Variants in PSD3 observed in about 807,000 individuals in gnomAD.
PSD3 encodes PH and SEC7 domain-containing protein 3.
PSD3 carries 49 observed loss-of-function variants against 105.5 expected under a neutral mutation model. The ratio of observed to expected loss-of-function variants is 0.46; its 90% confidence interval spans 0.37 to 0.59. PSD3 has a LOEUF of 0.59. Among genes scored for constraint, PSD3 ranks in the 20% least tolerant of loss-of-function variants. PSD3 has a pLI of 0.00. For synonymous variants in PSD3, 557 were observed against 457.8 expected (o/e 1.22, Z -2.77); for missense variants, 1,561 against 1,263.8 (o/e 1.24, Z -3.57).
chr8:18,575,431 C>T (rs755482912), intron 12 of PSD3, 146 bp from the exon 13 acceptor site: 52 of 724,216 alleles, frequency 7.2e-5, no homozygotes, highest in Non-Finnish European at 1.0e-4. Flanking sequence ...TAAAAACAAC[C>T]TTATAAATGT....
intron 1 of PSD3, among the ~76,000 whole-genome samples, chr8:18,981,581 A>C (rs1426919): frequency 0.4 from 61,129 of 152,040 alleles, 14,121 homozygotes; most frequent in Non-Finnish European, 0.53. Context: ...CATACTCTGG[A>C]GATTGTGTGG....
At chr8:18,742,577 A>G (rs1390045117) in intron 9 of PSD3, among the ~76,000 whole-genome samples, 1 of 152,220 alleles carries the variant, frequency 6.6e-6, no homozygotes, top group Non-Finnish European at 1.5e-5. Flanking sequence ...GCTTTTGTGA[A>G]GGTATTAGTG....
At chr8:19,050,311 C>CCT (rs398038403) in intron 1 of PSD3, among the ~76,000 whole-genome samples, 1 of 151,996 alleles carries the variant, frequency 6.6e-6, no homozygotes, top group African/African-American at 2.4e-5. Context: ...CCCATATCCC[C>CCT]GCCTGTCAAG....
intron 15 of PSD3, among the ~76,000 whole-genome samples, chr8:18,555,807 G>A (rs1801032463): frequency 6.6e-6 from 1 of 152,200 alleles, no homozygotes; most frequent in Non-Finnish European, 1.5e-5. Context: ...GCAGGGAAAA[G>A]CTGATGCCTC....
intron 2 of PSD3, among the ~76,000 whole-genome samples, chr8:18,908,955 C>T (rs894295077): frequency 6.6e-6 from 1 of 152,178 alleles, no homozygotes; most frequent in African/African-American, 2.4e-5. Flanking sequence ...AAACAAGAGT[C>T]TCTAGTCATT....
At chr8:18,682,125 G>C (rs1410913323) in intron 9 of PSD3, among the ~76,000 whole-genome samples, 2 of 152,086 alleles carry the variant, frequency 1.3e-5, no homozygotes, top group Non-Finnish European at 2.9e-5. Flanking sequence ...ATCTATGCTG[G>C]ATTCCAACAT....
chr8:19,028,274 C>T (rs1411035586), intron 1 of PSD3, among the ~76,000 whole-genome samples: 4 of 38,824 alleles, frequency 1.0e-4, no homozygotes, highest in Non-Finnish European at 1.9e-4. Context: ...CCACCTCTCA[C>T]ACCACCCCCC....
chr8:18,593,916 T>C (rs1273506515), intron 12 of PSD3, among the ~76,000 whole-genome samples: 7 of 125,538 alleles, frequency 5.6e-5, no homozygotes, highest in African/African-American at 9.5e-5. Context: ...TAGGTGGGAA[T>C]TGAACAATGA....
intron 2 of PSD3, among the ~76,000 whole-genome samples, chr8:18,895,449 C>T (rs12543634): frequency 0.047 from 7,157 of 152,288 alleles, 207 homozygotes; most frequent in South Asian, 0.082. Flanking sequence ...CATGCATTTA[C>T]GCATTTATAT....
chr8:18,764,005 T>C (rs1806761276), intron 9 of PSD3, among the ~76,000 whole-genome samples: 4 of 152,220 alleles, frequency 2.6e-5, no homozygotes. Context: ...ACACGTTTAC[T>C]CAAGGTGAAC....
intron 1 of PSD3, among the ~76,000 whole-genome samples, chr8:19,071,236 T>C (rs886138364): frequency 5.3e-5 from 8 of 152,142 alleles, no homozygotes; most frequent in Non-Finnish European, 1.2e-4. Context: ...ATTTTTTATT[T>C]ATTTATTTTT....
intron 1 of PSD3, among the ~76,000 whole-genome samples, chr8:19,051,854 C>T (rs914353761): frequency 2.0e-5 from 3 of 152,202 alleles, no homozygotes; most frequent in Admixed American, 6.5e-5. Context: ...TTACAGTCTA[C>T]AGGAGTAAGA....
chr8:18,529,479 A>T lies in PSD3; in HGVS notation c.*6264T>A, dbSNP rs1290154606. 1 of 152,550 alleles carries T rather than the reference A, an allele frequency of 6.6e-6. No homozygotes were observed. The highest frequency in any genetic ancestry group is 2.4e-5 in the African/African-American group (1 of 41,402). The allele number at this position is 152,550 out of a possible 1,614,324, so 9.4% of individuals were successfully genotyped here. A position where few individuals can be genotyped will look rare whatever the true frequency, so the allele number is the denominator to read the frequency against. ...CAGACATGTCAACTTTTCTCCTTAT[A>T]CACCTAAGGGGACAGTCAACTGGTT... On this transcript the variant is annotated 3_prime_UTR_variant, in exon 16 of 16. Transcript: ENST00000327040.
At chr8:19,079,932 C>G (rs1376472572) in intron 1 of PSD3, among the ~76,000 whole-genome samples, 3 of 149,212 alleles carry the variant, frequency 2.0e-5, no homozygotes, top group Non-Finnish European at 4.4e-5. Context: ...CTCTGTCATC[C>G]AGGTTGGAGT....
intron 12 of PSD3, among the ~76,000 whole-genome samples, chr8:18,595,908 A>G (rs1180963283): frequency 6.6e-6 from 1 of 152,072 alleles, no homozygotes; most frequent in East Asian, 1.9e-4. Context: ...CAAATATCCT[A>G]GCAAACATAT....
chr8:18,699,906 C>T (rs1236951649), intron 9 of PSD3, among the ~76,000 whole-genome samples: 1 of 151,848 alleles, frequency 6.6e-6, no homozygotes, highest in African/African-American at 2.4e-5. Flanking sequence ...AGATTCCGCT[C>T]CTATATTTTC....
In PSD3 at chr8:18,929,641, G is replaced by A. The variant is rs557392043; in HGVS notation, c.130+6393C>T. Among the ~76,000 whole-genome samples the A allele has an allele frequency of 2.0e-4, 31 of 152,176 alleles. No homozygotes were observed. In the South Asian group the frequency reaches 5.8e-3, roughly 29 times the overall value. On this transcript the variant is annotated intron_variant, in intron 2 of 15. Coordinates refer to ENST00000327040, the MANE Select transcript of PSD3 (RefSeq NM_015310.4). ...AGGACACACACTCCACACAGCCAGA[G>A]CAACTCCACCTGTCTATATCTGGGA...
chr8:18,564,943 T>C (rs998945927), intron 14 of PSD3, among the ~76,000 whole-genome samples: 2 of 152,156 alleles, frequency 1.3e-5, no homozygotes, highest in African/African-American at 4.8e-5. Context: ...ATTCAAACTT[T>C]TATAAGACAA....
chr8:18,738,818 G>T (rs1455035871), intron 9 of PSD3, among the ~76,000 whole-genome samples: 2 of 150,234 alleles, frequency 1.3e-5, no homozygotes, highest in Non-Finnish European at 2.9e-5. Flanking sequence ...TACCACACCC[G>T]CTCCGAAAAA....
Sources: allele counts gnomAD v4.1 joint callset (sites outside exome capture counted in the v4.1 genomes callset), GRCh38; gene constraint gnomAD v4.1.1; transcripts MANE v1.5; gene names NCBI Gene and HGNC (gene_info 2026-07-23, HGNC 2026-07-21).